TNNI3K: variants seen among roughly 807,000 people sequenced by gnomAD.
The protein encoded by TNNI3K is TNNI3 interacting kinase.
TNNI3K carries 140 observed loss-of-function variants against 114.5 expected under a neutral mutation model. The observed-to-expected ratio is 1.22, with a 90% CI of 1.07 to 1.41. The LOEUF is 1.41. Ranked by LOEUF, TNNI3K falls within the 40% of genes most tolerant of loss-of-function variation. TNNI3K has a pLI of 0.00. For synonymous variants in TNNI3K, 347 were observed against 347.5 expected (o/e 1.00, Z 0.02); for missense variants, 1,125 against 1,007.6 (o/e 1.12, Z -1.58).
At chr1:74,526,768 G>A (rs1443210533) in intron 23 of TNNI3K, among the ~76,000 whole-genome samples, 2 of 152,188 alleles carry the variant, frequency 1.3e-5, no homozygotes, top group African/African-American at 4.8e-5. Context: ...TTGGCCCAAA[G>A]GGAGAAGGCA....
At chr1:74,443,241 T>A (rs559522067) in intron 20 of TNNI3K, among the ~76,000 whole-genome samples, 92 of 151,628 alleles carry the variant, frequency 6.1e-4, no homozygotes, top group Non-Finnish European at 1.1e-3. Flanking sequence ...TTTGAAAAAA[T>A]TAATAAAATA....
intron 20 of TNNI3K, among the ~76,000 whole-genome samples, chr1:74,448,466 C>G (rs1666813420): frequency 6.9e-6 from 1 of 145,140 alleles, no homozygotes; most frequent in South Asian, 2.1e-4. Flanking sequence ...CCTTCTCCTG[C>G]CTAATTGCCC....
At position 74,439,418 on chromosome 1, in the gene TNNI3K, A is replaced by G. The variant is rs45442201; in HGVS notation, c.1879-72A>G. 5.2e-3 allele frequency: 8,081 copies of G among 1,558,926 alleles called. 360 individuals carry two copies. The African/African-American group carries it at 0.1, about 19-fold the overall frequency. On this transcript the variant is annotated intron_variant, in intron 19 of 24. Transcript: ENST00000326637. ...GGGAGAACACAGTAAATTCTCACTA[A>G]GAAGAATGCTACTCTGCAGTGGAAG...
intron 21 of TNNI3K, among the ~76,000 whole-genome samples, chr1:74,484,879 A>G (rs1668672041): frequency 6.6e-6 from 1 of 152,204 alleles, no homozygotes; most frequent in Non-Finnish European, 1.5e-5. Context: ...TGAGTTGGGA[A>G]CTACTTTTAG....
At position 74,256,236 on chromosome 1, in the gene TNNI3K, A is replaced by G. The variant is rs142408531; in HGVS notation, c.333+5467A>G. On this transcript the variant is annotated intron_variant, in intron 4 of 24. Coordinates refer to ENST00000326637, the MANE Select transcript of TNNI3K (RefSeq NM_015978.3). ...CCTACATTCCCATCAGCAAGGTATG[A>G]GAGCTGTAGTTTTTTCACATCCTTT... is the stretch of plus-strand genomic sequence containing the variant. Among the ~76,000 whole-genome samples the G allele has an allele frequency of 3.8e-4, 53 of 138,134 alleles. No homozygotes were observed. The East Asian group carries it at 0.012, about 31-fold the overall frequency. 90.6% of individuals were successfully genotyped at this position (138,134 alleles called of 152,430 possible).
At chr1:74,312,483 T>G (rs972217128) in intron 5 of TNNI3K, among the ~76,000 whole-genome samples, 1 of 152,250 alleles carries the variant, frequency 6.6e-6, no homozygotes, top group African/African-American at 2.4e-5. Flanking sequence ...ACAGGGTATC[T>G]TCTACTGAGA....
chr1:74,497,652 T>G (rs1669398207), intron 23 of TNNI3K, among the ~76,000 whole-genome samples: 1 of 151,896 alleles, frequency 6.6e-6, no homozygotes, highest in Non-Finnish European at 1.5e-5. Flanking sequence ...CCCAGATCAT[T>G]TATTCAGCCT....
At chr1:74,310,845 C>T (rs1658951253) in intron 5 of TNNI3K, among the ~76,000 whole-genome samples, 1 of 152,012 alleles carries the variant, frequency 6.6e-6, no homozygotes. Flanking sequence ...TTTTTTATAA[C>T]TATGTCTTCT....
chr1:74,285,747 TAA>T (rs1311082509), intron 5 of TNNI3K, among the ~76,000 whole-genome samples: 1 of 152,186 alleles, frequency 6.6e-6, no homozygotes, highest in African/African-American at 2.4e-5. Flanking sequence ...TTTTAGGAAT[TAA>T]ACAGAATGAG....
intron 23 of TNNI3K, among the ~76,000 whole-genome samples, chr1:74,534,858 A>C (rs1196170681): frequency 1.3e-5 from 2 of 152,178 alleles, no homozygotes; most frequent in African/African-American, 4.8e-5. Context: ...CCTCTGCTTC[A>C]TCTTAAATGG....
intron 23 of TNNI3K, among the ~76,000 whole-genome samples, chr1:74,515,857 G>A (rs1230619943): frequency 1.3e-5 from 2 of 152,202 alleles, no homozygotes; most frequent in African/African-American, 4.8e-5. Flanking sequence ...GAGATCATTA[G>A]TTATTAAAAG....
At chr1:74,351,966 C>A (rs1400683537) in intron 9 of TNNI3K, among the ~76,000 whole-genome samples, 1 of 152,150 alleles carries the variant, frequency 6.6e-6, no homozygotes, top group Admixed American at 6.5e-5. Flanking sequence ...CCCCTCTCAA[C>A]TTGTCAAAGT....
chr1:74,350,837 C>T (rs370332496), intron 9 of TNNI3K, among the ~76,000 whole-genome samples: 1 of 152,074 alleles, frequency 6.6e-6, no homozygotes. Flanking sequence ...TCCTCCATCC[C>T]TTTATTTTGA....
chr1:74,515,199 C>T (rs750319624), intron 23 of TNNI3K, among the ~76,000 whole-genome samples: 1 of 152,126 alleles, frequency 6.6e-6, no homozygotes, highest in Admixed American at 6.5e-5. Context: ...TTGGAACTTT[C>T]TTATGGCAGC....
rs45548633 is a variant in TNNI3K at position 74,403,828 on chromosome 1, A to G, written c.1773-32252A>G. On this transcript the variant is annotated intron_variant, in intron 17 of 24. Coordinates refer to ENST00000326637, the MANE Select transcript of TNNI3K (RefSeq NM_015978.3). Reference sequence around the variant, plus strand: ...TAGTTGAAAGACTTGGCTGAAGTCCATGCTAATCACATTACCATGGATAAT... The same window carrying G: ...TAGTTGAAAGACTTGGCTGAAGTCCGTGCTAATCACATTACCATGGATAAT... Among the ~76,000 whole-genome samples the G allele has an allele frequency of 3.0e-3, 454 of 152,308 alleles. 4 individuals carry two copies. The highest frequency in any genetic ancestry group is 0.011 in the African/African-American group (439 of 41,586).
intron 5 of TNNI3K, among the ~76,000 whole-genome samples, chr1:74,284,762 C>T (rs887077223): frequency 2.6e-5 from 4 of 152,274 alleles, no homozygotes; most frequent in African/African-American, 7.2e-5. Context: ...CAGACCTTGG[C>T]GATGACCTTG....
chr1:74,354,232 T>A, intron 11 of TNNI3K, 103 bp downstream of exon 11: 1 of 1,528,914 alleles, frequency 6.5e-7, no homozygotes, highest in Non-Finnish European at 8.8e-7. Context: ...TTGAACACTC[T>A]CATTTCTTCT....
rs140489443 is a variant in TNNI3K at position 74,544,164 on chromosome 1, A to G, written c.*182A>G. 6.5e-4 allele frequency: 376 copies of G among 574,916 alleles called. 1 individual carries two copies. The highest frequency in any genetic ancestry group is 6.2e-3 in the African/African-American group (318 of 51,192). The allele number at this position is 574,916 out of a possible 1,614,324, so 35.6% of individuals were successfully genotyped here. A position where few individuals can be genotyped will look rare whatever the true frequency, so the allele number is the denominator to read the frequency against. ...CAGGCTTTGGATTTGTGCCTAAGGA[A>G]TAATATGCAAAAGAACCAAGACAGA... On this transcript the variant is annotated 3_prime_UTR_variant, in exon 25 of 25. Transcript: ENST00000326637.
At chr1:74,397,998 A>G (rs777066059) in intron 17 of TNNI3K, among the ~76,000 whole-genome samples, 1 of 152,238 alleles carries the variant, frequency 6.6e-6, no homozygotes, top group African/African-American at 2.4e-5. Context: ...GCAGGGGGAA[A>G]AAATTAATAC....
Sources: gnomAD v4.1 joint callset for allele counts (sites outside exome capture counted in the v4.1 genomes callset) on GRCh38, gnomAD v4.1.1 for gene constraint, MANE v1.5 for transcripts, NCBI Gene and HGNC (gene_info 2026-07-23, HGNC 2026-07-21) for gene names.